Variants in NEO1 observed in about 807,000 individuals in gnomAD.
The protein encoded by NEO1 is neogenin.
NEO1 carries 63 observed loss-of-function variants against 159.7 expected under a neutral mutation model. That is an observed-to-expected ratio of 0.39 (90% CI 0.32 to 0.49). The LOEUF is 0.49. Among genes scored for constraint, NEO1 ranks in the 20% least tolerant of loss-of-function variants. NEO1 has a pLI of 0.85. For synonymous variants in NEO1, 633 were observed against 662.0 expected, an observed-to-expected ratio of 0.96 and a Z score of 0.67; for missense variants, 1,615 against 1,831.0, an observed-to-expected ratio of 0.88 and a Z score of 2.15.
chr15:73,129,572 A>T (rs1175881848), intron 4 of NEO1, among the ~76,000 whole-genome samples: 1 of 152,188 alleles, frequency 6.6e-6, no homozygotes, highest in Non-Finnish European at 1.5e-5. Flanking sequence ...TCGCTAATGA[A>T]AGAGGGGGGT....
At position 73,303,928 on chromosome 15, in the gene NEO1, CCTT is replaced by C. The variant is rs1232760859; in HGVS notation, c.*1238_*1240del. ...AACTTGTTTGTTTCCGTATACGACTCCTTCTTCTCTCTAGTTCAGTCTTCAGCC... is the reference window on the plus strand; with the variant it reads ...AACTTGTTTGTTTCCGTATACGACTCCTTCTCTCTAGTTCAGTCTTCAGCC... On this transcript the variant is annotated 3_prime_UTR_variant, in exon 29 of 29. Transcript: ENST00000261908. 9 of 152,350 alleles carry C rather than the reference CCTT, an allele frequency of 5.9e-5. No homozygotes were observed. Among genetic ancestry groups the C allele is most frequent in the East Asian group, 1.9e-4 (1 of 5,192 alleles). 9.4% of individuals were successfully genotyped at this position (152,350 alleles called of 1,614,324 possible). A position where few individuals can be genotyped will look rare whatever the true frequency, so the allele number is the denominator to read the frequency against.
intron 6 of NEO1, among the ~76,000 whole-genome samples, chr15:73,176,878 A>G (rs1191155398): frequency 6.6e-6 from 1 of 152,116 alleles, no homozygotes; most frequent in African/African-American, 2.4e-5. Context: ...GTGTGCGTGT[A>G]TGTGTGTCCC....
At chr15:73,189,687 C>T (rs1055903559) in intron 7 of NEO1, among the ~76,000 whole-genome samples, 3 of 152,190 alleles carry the variant, frequency 2.0e-5, no homozygotes, top group African/African-American at 7.2e-5. Context: ...CAAGAAGCTG[C>T]GTTGGAGCGT....
At position 73,191,473 on chromosome 15, in the gene NEO1, C is replaced by A. The variant is rs150101765; in HGVS notation, c.1291+13046C>A. On this transcript the variant is annotated intron_variant, in intron 7 of 28. Coordinates refer to ENST00000261908, the MANE Select transcript of NEO1 (RefSeq NM_002499.4). The stretch of plus-strand genomic sequence containing the variant: ...TTTTTTCAAAATAGACAACAGAAAT[C>A]TTTAGGATAATAGTAACTTTAGGAT... 4.4e-3 allele frequency among the ~76,000 whole-genome samples: 529 copies of A among 120,482 alleles called. 58 individuals are homozygous for A. Among genetic ancestry groups the A allele is most frequent in the Middle Eastern group, 0.02 (4 of 200 alleles). The allele number at this position is 120,482 out of a possible 152,430, so 79.0% of individuals were successfully genotyped here.
intron 1 of NEO1, among the ~76,000 whole-genome samples, chr15:73,084,634 A>G (rs1372271360): frequency 6.6e-6 from 1 of 152,228 alleles, no homozygotes; most frequent in Non-Finnish European, 1.5e-5. Flanking sequence ...TCTTTGATAT[A>G]CTTATTTCAT....
At chr15:73,152,086 T>C (rs928684004) in intron 5 of NEO1, among the ~76,000 whole-genome samples, 4 of 152,176 alleles carry the variant, frequency 2.6e-5, no homozygotes, top group African/African-American at 9.7e-5. Flanking sequence ...CATAAATACA[T>C]GTATGTGTGG....
At chr15:73,235,763 A>G (rs1219360677) in intron 7 of NEO1, among the ~76,000 whole-genome samples, 1 of 152,232 alleles carries the variant, frequency 6.6e-6, no homozygotes, top group East Asian at 1.9e-4. Flanking sequence ...ATATTAGACT[A>G]AAGTTGAAGA....
chr15:73,137,838 A>T (rs1224771059), intron 5 of NEO1, among the ~76,000 whole-genome samples: 1 of 152,182 alleles, frequency 6.6e-6, no homozygotes, highest in African/African-American at 2.4e-5. Flanking sequence ...ATGAATTGGA[A>T]GATTACATTG....
At chr15:73,076,935 G>T (rs745315180) in intron 1 of NEO1, among the ~76,000 whole-genome samples, 1 of 152,194 alleles carries the variant, frequency 6.6e-6, no homozygotes, top group Non-Finnish European at 1.5e-5. Flanking sequence ...GGCACTTTCT[G>T]TGGAAGAACT....
rs991445835 is a variant in NEO1 at position 73,052,468 on chromosome 15, C to T, written c.-208C>T. 1.8e-3 allele frequency: 321 copies of T among 178,584 alleles called. 2 individuals are homozygous for T. Among genetic ancestry groups the T allele is most frequent in the African/African-American group, 6.5e-3 (268 of 41,334 alleles). The allele number at this position is 178,584 out of a possible 1,614,324, so 11.1% of individuals were successfully genotyped here. On this transcript the variant is annotated 5_prime_UTR_variant, in exon 1 of 29. Coordinates refer to ENST00000261908, the MANE Select transcript of NEO1 (RefSeq NM_002499.4). ...CTCCCCTTCTTCGCTCTCCTCCCCT[C>T]CCCGCCCCCTTGCAGGAGGGAGGCG...
rs1319328198 is a variant in NEO1 at position 73,110,221 on chromosome 15, G to T, written c.131-6319G>T. On this transcript the variant is annotated intron_variant, in intron 1 of 28. Transcript: ENST00000261908. Reference sequence around the variant, plus strand: ...GGATGGTTGAAAGAAACATTAACAAGTAGTAAAAAAAGAAAAATAGGAAGT... The same window carrying T: ...GGATGGTTGAAAGAAACATTAACAATTAGTAAAAAAAGAAAAATAGGAAGT... Among the ~76,000 whole-genome samples, 5 of 152,058 alleles carry T rather than the reference G, an allele frequency of 3.3e-5. No individual in the cohort carries two copies. The East Asian group carries it at 9.6e-4, about 29-fold the overall frequency.
intron 1 of NEO1, among the ~76,000 whole-genome samples, chr15:73,081,867 A>ATTT (rs35614949): frequency 1.1e-4 from 15 of 131,712 alleles, no homozygotes; most frequent in African/African-American, 1.7e-4. Flanking sequence ...AAATACTAGT[A>ATTT]TTTTTTTTTT....
At chr15:73,186,305 CAG>C (rs983372874) in intron 7 of NEO1, among the ~76,000 whole-genome samples, 2 of 150,924 alleles carry the variant, frequency 1.3e-5, no homozygotes, top group African/African-American at 4.9e-5. Context: ...CAAGTGAGCA[CAG>C]AGCAACTTTT....
At chr15:73,199,540 T>C (rs1411950525) in intron 7 of NEO1, among the ~76,000 whole-genome samples, 1 of 152,196 alleles carries the variant, frequency 6.6e-6, no homozygotes, top group Non-Finnish European at 1.5e-5. Flanking sequence ...ATTTATTCAA[T>C]CATTTGCTAA....
chr15:73,211,989 T>C (rs1349050954), intron 7 of NEO1, among the ~76,000 whole-genome samples: 1 of 152,226 alleles, frequency 6.6e-6, no homozygotes, highest in Admixed American at 6.5e-5. Context: ...ATTGAGGTTA[T>C]GGATTTTTTT....
At chr15:73,243,361 TA>T (rs2039588339) in intron 8 of NEO1, among the ~76,000 whole-genome samples, 1 of 152,244 alleles carries the variant, frequency 6.6e-6, no homozygotes, top group Non-Finnish European at 1.5e-5. Context: ...TATTTTAAAG[TA>T]AGAATTTTAA....
chr15:73,054,783 G>T (rs1460955105), intron 1 of NEO1, among the ~76,000 whole-genome samples: 1 of 152,216 alleles, frequency 6.6e-6, no homozygotes, highest in Admixed American at 6.5e-5. Flanking sequence ...GGGTTGGTCA[G>T]TTCTGCCATA....
rs1240733172 is a variant in NEO1, at chr15:73,052,710, G to A, written c.35G>A (p.Ser12Asn). ...GAGCGGGGAGCCCGGCGACTCCTCA[G>A]CACCCCCTCCTTCTGGCTCTACTGC... ...AAERGARRLLSTPSFWLYCLL... is the reference protein window; with the variant it reads ...AAERGARRLLNTPSFWLYCLL... Residue 12 changes from serine (S) to asparagine (N), a missense_variant, in exon 1 of 29, where the codon AGC becomes AAC. Coordinates refer to ENST00000261908, the MANE Select transcript of NEO1 (RefSeq NM_002499.4). 1 of 1,362,074 alleles carries A rather than the reference G, an allele frequency of 7.3e-7. No homozygotes were observed. Among genetic ancestry groups the A allele is most frequent in the African/African-American group, 1.5e-5 (1 of 65,972 alleles). The allele number at this position is 1,362,074 out of a possible 1,614,324, so 84.4% of individuals were successfully genotyped here. A position where few individuals can be genotyped will look rare whatever the true frequency, so the allele number is the denominator to read the frequency against.
chr15:73,235,465 C>G (rs1459907495), intron 7 of NEO1, among the ~76,000 whole-genome samples: 2 of 152,196 alleles, frequency 1.3e-5, no homozygotes, highest in Non-Finnish European at 2.9e-5. Flanking sequence ...TTACCCATGG[C>G]TACCGCTATA....
Sources: allele counts gnomAD v4.1 joint callset (sites outside exome capture counted in the v4.1 genomes callset), GRCh38; gene constraint gnomAD v4.1.1; transcripts MANE v1.5; gene names NCBI Gene and HGNC (gene_info 2026-07-23, HGNC 2026-07-21).